Variants in PTPRD observed in about 807,000 individuals in gnomAD.
PTPRD encodes receptor-type tyrosine-protein phosphatase delta.
Under a neutral mutation model 214.5 loss-of-function variants are expected in PTPRD, and 34 were observed. The observed-to-expected ratio is 0.16, with a 90% confidence interval of 0.12 to 0.21. PTPRD has a LOEUF of 0.21. Among genes scored for constraint, PTPRD ranks in the 10% least tolerant of loss-of-function variants. The probability of loss-of-function intolerance (pLI) is 1.00; values close to 1 mark genes in which losing one functional copy is unlikely to be tolerated. For synonymous variants in PTPRD, 1,128 were observed against 845.7 expected (o/e 1.33, Z -5.79); for missense variants, 2,545 against 2,398.7 (o/e 1.06, Z -1.27).
rs2088299869 is a variant in PTPRD, at chr9:9,575,693, C to G, written c.-286-912G>C. Among the ~76,000 whole-genome samples the G allele has an allele frequency of 2.6e-5, 3 of 115,318 alleles. No homozygotes were observed. In the South Asian group the frequency reaches 8.5e-4, roughly 33 times the overall value. 75.7% of individuals were successfully genotyped at this position (115,318 alleles called of 152,430 possible). A position where few individuals can be genotyped will look rare whatever the true frequency, so the allele number is the denominator to read the frequency against. On this transcript the variant is annotated intron_variant, in intron 7 of 45. Transcript: ENST00000381196. Reference sequence around the variant, plus strand: ...CAAGATCATGCCACTGCACTCCAGCCTGGGTGACAGAGCAAGACTGTCTCA... The same window carrying G: ...CAAGATCATGCCACTGCACTCCAGCGTGGGTGACAGAGCAAGACTGTCTCA...
chr9:9,964,667 G>T (rs1159001818), intron 4 of PTPRD, among the ~76,000 whole-genome samples: 1 of 152,104 alleles, frequency 6.6e-6, no homozygotes, highest in Admixed American at 6.6e-5. Flanking sequence ...TAGTTTATAA[G>T]CCTATTCAAA....
At chr9:9,296,557 G>T (rs1953125192) in intron 9 of PTPRD, among the ~76,000 whole-genome samples, 1 of 151,694 alleles carries the variant, frequency 6.6e-6, no homozygotes, top group Admixed American at 6.6e-5. Flanking sequence ...GGAAAGAAAT[G>T]GGGATAGAGT....
At chr9:8,950,913 C>T (rs764108871) in intron 11 of PTPRD, among the ~76,000 whole-genome samples, 2 of 151,950 alleles carry the variant, frequency 1.3e-5, no homozygotes, top group South Asian at 2.1e-4. Flanking sequence ...ATATACTGTG[C>T]AAGGCTATTT....
At chr9:9,908,501 T>C (rs2078253378) in intron 5 of PTPRD, among the ~76,000 whole-genome samples, 1 of 152,070 alleles carries the variant, frequency 6.6e-6, no homozygotes, top group African/African-American at 2.4e-5. Flanking sequence ...GCATCCTTTC[T>C]GCTGGGAGTA....
At chr9:9,975,337 G>A (rs1443582923) in intron 4 of PTPRD, among the ~76,000 whole-genome samples, 1 of 152,150 alleles carries the variant, frequency 6.6e-6, no homozygotes, top group East Asian at 1.9e-4. Flanking sequence ...CTTAACTGTG[G>A]TTCTTTGCTT....
At chr9:9,458,690 C>A (rs1569568510) in intron 8 of PTPRD, among the ~76,000 whole-genome samples, 1 of 152,058 alleles carries the variant, frequency 6.6e-6, no homozygotes, top group African/African-American at 2.4e-5. Flanking sequence ...TCCTTAATCC[C>A]AGCACTTTGG....
At chr9:8,976,881 C>T (rs1437642740) in intron 11 of PTPRD, among the ~76,000 whole-genome samples, 7 of 152,126 alleles carry the variant, frequency 4.6e-5, no homozygotes, top group African/African-American at 1.2e-4. Context: ...GTTTTTTCTA[C>T]GAGGATGATG....
chr9:9,408,140 G>T (rs2074163842), intron 8 of PTPRD, among the ~76,000 whole-genome samples: 1 of 151,744 alleles, frequency 6.6e-6, no homozygotes, highest in Non-Finnish European at 1.5e-5. Flanking sequence ...TACTTTATCA[G>T]TATAGTGATT....
At chr9:9,897,181 G>A (rs2075237168) in intron 5 of PTPRD, among the ~76,000 whole-genome samples, 1 of 150,666 alleles carries the variant, frequency 6.6e-6, no homozygotes. Context: ...ACACCCCCTG[G>A]GGGTTGGTAA....
At chr9:10,334,924 T>A (rs2096819478) in intron 3 of PTPRD, among the ~76,000 whole-genome samples, 1 of 151,586 alleles carries the variant, frequency 6.6e-6, no homozygotes, top group South Asian at 2.1e-4. Flanking sequence ...ACTATGAAAC[T>A]CTGATGAAAG....
At chr9:9,207,505 T>C (rs1188685477) in intron 9 of PTPRD, among the ~76,000 whole-genome samples, 1 of 152,102 alleles carries the variant, frequency 6.6e-6, no homozygotes, top group South Asian at 2.1e-4. Flanking sequence ...CTAAAGCTAT[T>C]AGACTGACAA....
At chr9:10,575,822 G>C (rs2069105810) in intron 2 of PTPRD, among the ~76,000 whole-genome samples, 1 of 151,852 alleles carries the variant, frequency 6.6e-6, no homozygotes, top group Admixed American at 6.6e-5. Context: ...CTCTCCCTAG[G>C]GGTTCCAACA....
At chr9:10,020,279 A>G (rs1434370928) in intron 4 of PTPRD, among the ~76,000 whole-genome samples, 1 of 152,160 alleles carries the variant, frequency 6.6e-6, no homozygotes, top group Non-Finnish European at 1.5e-5. Flanking sequence ...GCTTAGGTGT[A>G]TATCAATACA....
chr9:10,486,148 T>A (rs1318200202), intron 2 of PTPRD, among the ~76,000 whole-genome samples: 1 of 152,112 alleles, frequency 6.6e-6, no homozygotes, highest in East Asian at 1.9e-4. Flanking sequence ...TTCACTCTGA[T>A]GGTAGTTTCT....
chr9:9,938,810 T>C (rs769657949), intron 4 of PTPRD, among the ~76,000 whole-genome samples, 200 bp from the exon 5 acceptor site: 10 of 152,182 alleles, frequency 6.6e-5, no homozygotes, highest in South Asian at 6.2e-4. Flanking sequence ...AGGGACCATC[T>C]ATATTTTATC....
intron 2 of PTPRD, among the ~76,000 whole-genome samples, chr9:10,440,387 A>G (rs1458897405): frequency 1.3e-5 from 2 of 151,832 alleles, no homozygotes; most frequent in Admixed American, 6.6e-5. Flanking sequence ...ATACAGTACT[A>G]TCATATAAAT....
chr9:9,140,976 C>T (rs781149723), intron 10 of PTPRD, among the ~76,000 whole-genome samples: 9 of 152,194 alleles, frequency 5.9e-5, no homozygotes, highest in Non-Finnish European at 1.2e-4. Context: ...AAATTAGATT[C>T]GGTCATATGA....
chr9:8,774,780 C>T (rs192598249), intron 11 of PTPRD, among the ~76,000 whole-genome samples: 89 of 152,074 alleles, frequency 5.9e-4, no homozygotes, highest in Middle Eastern at 3.4e-3. Flanking sequence ...GTGATCCCCC[C>T]GCCTCGGCCT....
At chr9:9,019,288 GA>G (rs2099550606) in intron 10 of PTPRD, among the ~76,000 whole-genome samples, 1 of 28,270 alleles carries the variant, frequency 3.5e-5, no homozygotes, top group African/African-American at 1.1e-4. Flanking sequence ...AAAGAAGAAA[GA>G]AAGAAAGAAA....
Sources: gnomAD v4.1 joint callset for allele counts (sites outside exome capture counted in the v4.1 genomes callset) on GRCh38, gnomAD v4.1.1 for gene constraint, MANE v1.5 for transcripts, NCBI Gene and HGNC (gene_info 2026-07-23, HGNC 2026-07-21) for gene names.